PSD3: variants seen among roughly 807,000 people sequenced by gnomAD.
PSD3 encodes pleckstrin and Sec7 domain containing 3.
A neutral mutation model predicts 105.5 loss-of-function variants in PSD3; 49 were observed. The ratio of observed to expected loss-of-function variants is 0.46; its 90% CI spans 0.37 to 0.59. PSD3 has a LOEUF of 0.59. Among genes scored for constraint, PSD3 ranks in the 20% least tolerant of loss-of-function variants. The pLI, the probability that PSD3 is intolerant of heterozygous loss-of-function variation, is 0.00. For synonymous variants in PSD3, 557 were observed against 457.8 expected (o/e 1.22, Z -2.77); for missense variants, 1,561 against 1,263.8 (o/e 1.24, Z -3.57).
chr8:19,084,231 G>A (rs1829735850), exon 1 of PSD3: 1 of 447,250 alleles, frequency 2.2e-6, no homozygotes, highest in South Asian at 1.6e-5. Flanking sequence ...GGCAGGCGGG[G>A]CTGGGCAGCC....
chr8:18,624,229 G>T (rs1806322902), intron 11 of PSD3, among the ~76,000 whole-genome samples: 1 of 152,006 alleles, frequency 6.6e-6, no homozygotes, highest in Non-Finnish European at 1.5e-5. Flanking sequence ...CTTTTGCAGG[G>T]TAGAAGAGGG....
chr8:18,983,285 T>C (rs1418416327), intron 1 of PSD3, among the ~76,000 whole-genome samples: 2 of 152,208 alleles, frequency 1.3e-5, no homozygotes, highest in Non-Finnish European at 2.9e-5. Context: ...GATTTGATCT[T>C]CCATTCAGAT....
chr8:18,799,267 G>C (rs747704991), intron 8 of PSD3, 28 bp downstream of exon 8: 23 of 1,559,616 alleles, frequency 1.5e-5, no homozygotes, highest in Admixed American at 8.3e-5. Flanking sequence ...ACATGTTTTG[G>C]ATCTAAGTTT....
chr8:18,789,976 C>G (rs1236824011), intron 8 of PSD3, among the ~76,000 whole-genome samples: 2 of 152,040 alleles, frequency 1.3e-5, no homozygotes, highest in African/African-American at 4.8e-5. Flanking sequence ...CTCAATAAGC[C>G]CCACTGACAC....
chr8:18,848,982 C>G (rs924246971), intron 4 of PSD3, among the ~76,000 whole-genome samples: 3 of 152,270 alleles, frequency 2.0e-5, no homozygotes, highest in South Asian at 2.1e-4. Flanking sequence ...CAAGATGAGA[C>G]AGATTTGCTT....
intron 1 of PSD3, among the ~76,000 whole-genome samples, chr8:18,994,247 ATC>A (rs3042926): frequency 0.4 from 60,380 of 151,740 alleles, 12,394 homozygotes; most frequent in African/African-American, 0.45. Context: ...ATAGGTCCTC[ATC>A]TCTGTTAGCC....
upstream of PSD3, among the ~76,000 whole-genome samples, chr8:19,018,660 A>T (rs1330047003): frequency 6.6e-6 from 1 of 152,238 alleles, no homozygotes; most frequent in African/African-American, 2.4e-5. Context: ...AGAGGTGGAG[A>T]GCCACTTGGA....
At position 18,966,607 on chromosome 8, in the gene PSD3, A is replaced by G. The variant is rs538943098; in HGVS notation, c.22-30465T>C. ...AAAACCAAAAAACACAAATAGAGTC[A>G]TTTTTAAAAATACTTCCCTAGACCT... On this transcript the variant is annotated intron_variant, in intron 1 of 15. Transcript: ENST00000327040. 1.2e-3 allele frequency among the ~76,000 whole-genome samples: 181 copies of G among 150,570 alleles called. 1 individual carries two copies. The highest frequency in any genetic ancestry group is 4.3e-3 in the African/African-American group (175 of 41,030).
chr8:18,960,091 T>G lies in PSD3; in HGVS notation c.22-23949A>C, dbSNP rs540500817. 3.9e-5 allele frequency among the ~76,000 whole-genome samples: 6 copies of G among 152,340 alleles called. No homozygotes were observed. In the South Asian group the frequency reaches 1.2e-3, roughly 32 times the overall value. The stretch of plus-strand genomic sequence containing the variant: ...GGGAACCTAATGCCTGGGCACTGTT[T>G]TGATTCAACATCTACAATAATGTCT... On this transcript the variant is annotated intron_variant, in intron 1 of 15. Transcript: ENST00000327040.
At chr8:18,553,981 G>C (rs1235104192) in intron 15 of PSD3, among the ~76,000 whole-genome samples, 2 of 152,150 alleles carry the variant, frequency 1.3e-5, no homozygotes, top group Non-Finnish European at 2.9e-5. Flanking sequence ...TTTGATGAAA[G>C]CAAGACTTAA....
intron 11 of PSD3, among the ~76,000 whole-genome samples, chr8:18,619,092 G>A (rs1805917788): frequency 6.6e-6 from 1 of 151,990 alleles, no homozygotes; most frequent in South Asian, 2.1e-4. Flanking sequence ...TTGCTTCAAA[G>A]CTCAAATTCT....
At chr8:19,057,644 C>T (rs1300864592) in intron 1 of PSD3, among the ~76,000 whole-genome samples, 1 of 152,146 alleles carries the variant, frequency 6.6e-6, no homozygotes, top group Non-Finnish European at 1.5e-5. Context: ...CTTCATCTAG[C>T]AACTAAAGAG....
chr8:19,020,476 G>A (rs1166668963), intron 1 of PSD3, among the ~76,000 whole-genome samples: 1 of 152,074 alleles, frequency 6.6e-6, no homozygotes, highest in Admixed American at 6.6e-5. Flanking sequence ...AGGGCTGAGT[G>A]AGCCAGGTGA....
intron 4 of PSD3, among the ~76,000 whole-genome samples, chr8:18,850,556 G>C (rs1447708294): frequency 6.6e-6 from 1 of 152,186 alleles, no homozygotes; most frequent in African/African-American, 2.4e-5. Context: ...TAGAAGTTCA[G>C]CCTCATTACT....
intron 1 of PSD3, among the ~76,000 whole-genome samples, chr8:18,953,112 G>T (rs1001931953): frequency 2.0e-5 from 3 of 152,098 alleles, no homozygotes; most frequent in Non-Finnish European, 4.4e-5. Flanking sequence ...CACATTAAAT[G>T]ATCTTCAACC....
At chr8:18,729,041 T>C (rs1803536695) in intron 9 of PSD3, among the ~76,000 whole-genome samples, 1 of 152,200 alleles carries the variant, frequency 6.6e-6, no homozygotes, top group African/African-American at 2.4e-5. Flanking sequence ...TTGAAAACTT[T>C]GATTCTTCCT....
At chr8:18,841,223 T>G (rs193099185) in intron 4 of PSD3, among the ~76,000 whole-genome samples, 22 of 152,274 alleles carry the variant, frequency 1.4e-4, no homozygotes, top group African/African-American at 5.1e-4. Context: ...GTGTTTGTTA[T>G]GGCTGGCTAG....
At chr8:18,912,297 T>G (rs955344768) in intron 2 of PSD3, among the ~76,000 whole-genome samples, 1 of 152,200 alleles carries the variant, frequency 6.6e-6, no homozygotes, top group African/African-American at 2.4e-5. Flanking sequence ...GAAACAAATC[T>G]GAAGGAAATC....
At chr8:19,084,241 C>T (rs1222138699) in exon 1 of PSD3, 5 of 452,668 alleles carry the variant, frequency 1.1e-5, no homozygotes, top group Non-Finnish European at 2.2e-5. Context: ...GCTGGGCAGC[C>T]CTTGCTGGTG....
Sources: gnomAD v4.1 joint callset for allele counts (sites outside exome capture counted in the v4.1 genomes callset) on GRCh38, gnomAD v4.1.1 for gene constraint, MANE v1.5 for transcripts, NCBI Gene and HGNC (gene_info 2026-07-23, HGNC 2026-07-21) for gene names.